The following KLHL2 variants were observed in gnomAD, a reference collection of about 807,000 sequenced individuals.
The protein encoded by KLHL2 is kelch like family member 2, also known as kelch-like protein 2.
In KLHL2, 15 loss-of-function variants were observed where a neutral mutation model predicts 75.8. The ratio of observed to expected loss-of-function variants is 0.20; its 90% CI spans 0.13 to 0.30. The LOEUF is 0.30. Ranked by LOEUF, KLHL2 falls within the 10% of genes least tolerant of loss-of-function variation. KLHL2 has a pLI of 1.00. For synonymous variants in KLHL2, 214 were observed against 251.9 expected (o/e 0.85, Z 1.42); for missense variants, 381 against 741.0 (o/e 0.51, Z 5.64).
At chr4:165,302,933 A>G (rs1360047024) in intron 8 of KLHL2, among the ~76,000 whole-genome samples, 1 of 152,144 alleles carries the variant, frequency 6.6e-6, no homozygotes, top group Non-Finnish European at 1.5e-5. Flanking sequence ...TTGTTCCTTC[A>G]TAGCATAATT....
At chr4:165,259,498 A>G (rs1282164784) in intron 4 of KLHL2, among the ~76,000 whole-genome samples, 1 of 152,242 alleles carries the variant, frequency 6.6e-6, no homozygotes, top group Non-Finnish European at 1.5e-5. Context: ...CCGCTCTCAT[A>G]GCAGGCTTGG....
At position 165,299,613 on chromosome 4, in the gene KLHL2, A is replaced by C. The variant is rs1745194141; in HGVS notation, c.878A>C (p.Lys293Thr). 1 of 1,613,778 alleles carries C rather than the reference A, an allele frequency of 6.2e-7. No homozygotes were observed. Among genetic ancestry groups the C allele is most frequent in the Non-Finnish European group, 8.5e-7 (1 of 1,179,926 alleles). Residue 293 changes from lysine (K) to threonine (T), a missense_variant, in exon 8 of 15, where the codon AAG becomes ACG. Physicochemically the swap from Lys to Thr is moderately conservative, Grantham distance 78. Around this residue, in one of 5 missense-constraint regions of KLHL2, gnomAD observed 111 missense variants for 150.1 expected, o/e 0.74. Transcript: ENST00000226725. ...LLPTEQRILM[K>T]SVRTRLRTPM... is the part of the protein sequence containing the mutation. Reference sequence around the variant, plus strand: ...CCAACAGAGCAGCGTATATTAATGAAGAGTGTCCGGACCCGGCTGAGGACA... The same window carrying C: ...CCAACAGAGCAGCGTATATTAATGACGAGTGTCCGGACCCGGCTGAGGACA...
At chr4:165,236,984 G>A (rs1017989005) in intron 3 of KLHL2, among the ~76,000 whole-genome samples, 1 of 149,892 alleles carries the variant, frequency 6.7e-6, no homozygotes, top group African/African-American at 2.5e-5. Context: ...TTTTGCCTAA[G>A]GTAAGTCACG....
chr4:165,241,973 C>T (rs1191554615), intron 4 of KLHL2, among the ~76,000 whole-genome samples: 1 of 152,066 alleles, frequency 6.6e-6, no homozygotes. Context: ...TTCCAGGTTT[C>T]CTAGCTTTTT....
chr4:165,213,947 G>A (rs1041229001), intron 1 of KLHL2, among the ~76,000 whole-genome samples: 3 of 152,284 alleles, frequency 2.0e-5, no homozygotes, highest in Admixed American at 6.5e-5. Flanking sequence ...GAGATAGGTA[G>A]GTGAGATATT....
At chr4:165,264,585 C>CATATATATATATATATAT (rs55960426) in intron 5 of KLHL2, among the ~76,000 whole-genome samples, 15 of 129,404 alleles carry the variant, frequency 1.2e-4, no homozygotes, top group African/African-American at 4.6e-4. Flanking sequence ...AGTATTCCAT[C>CATATATATATATATATAT]ATATATATAT....
intron 8 of KLHL2, 21 bp from the exon 9 acceptor site, chr4:165,305,587 C>A: frequency 6.4e-7 from 1 of 1,567,826 alleles, no homozygotes; most frequent in Non-Finnish European, 8.8e-7. Flanking sequence ...TGTTCAAGTG[C>A]TTACATTTCT....
intron 5 of KLHL2, chr4:165,278,307 C>T (rs763529985): frequency 1.8e-6 from 2 of 1,087,670 alleles, no homozygotes; most frequent in African/African-American, 3.1e-5. Context: ...AAGGGCTTCA[C>T]TACTGGAATA....
chr4:165,287,376 C>G (rs1251352544), intron 5 of KLHL2, among the ~76,000 whole-genome samples: 1 of 152,038 alleles, frequency 6.6e-6, no homozygotes, highest in Non-Finnish European at 1.5e-5. Context: ...TATGTATATA[C>G]CAATTTCATT....
At chr4:165,289,834 G>C (rs1365874239) in intron 5 of KLHL2, among the ~76,000 whole-genome samples, 1 of 152,140 alleles carries the variant, frequency 6.6e-6, no homozygotes, top group East Asian at 1.9e-4. Flanking sequence ...AGTTCTCTCA[G>C]TTATGTTTGT....
chr4:165,242,419 A>G (rs1422602725), intron 4 of KLHL2, among the ~76,000 whole-genome samples: 2 of 152,226 alleles, frequency 1.3e-5, no homozygotes, highest in East Asian at 3.8e-4. Context: ...TTTTCAATAC[A>G]CTTTCAGAGA....
chr4:165,303,493 T>TTCCCCCCCC (rs1335606508), intron 8 of KLHL2, among the ~76,000 whole-genome samples: 3 of 95,900 alleles, frequency 3.1e-5, no homozygotes, highest in African/African-American at 3.8e-5. Context: ...TTTACAACCT[T>TTCCCCCCCC]GCCCCCCCCG....
intron 5 of KLHL2, among the ~76,000 whole-genome samples, chr4:165,284,743 T>C (rs903048304): frequency 6.6e-6 from 1 of 152,192 alleles, no homozygotes; most frequent in African/African-American, 2.4e-5. Context: ...ACTGTACTGG[T>C]TCATTTTCAC....
At chr4:165,279,769 T>C (rs1179000520) in intron 5 of KLHL2, 2 of 778,946 alleles carry the variant, frequency 2.6e-6, no homozygotes, top group Admixed American at 1.9e-5. Flanking sequence ...TAGCCTCACT[T>C]CTTTACTGGC....
At chr4:165,288,055 A>G (rs527842772) in intron 5 of KLHL2, among the ~76,000 whole-genome samples, 15 of 152,156 alleles carry the variant, frequency 9.9e-5, no homozygotes, top group Admixed American at 5.9e-4. Flanking sequence ...TTTTGGTGTC[A>G]TTTCCAAGAA....
chr4:165,239,492 T>C (rs1739636691), intron 4 of KLHL2, among the ~76,000 whole-genome samples: 1 of 152,152 alleles, frequency 6.6e-6, no homozygotes, highest in Non-Finnish European at 1.5e-5. Context: ...CTCAAACTCT[T>C]GGGCTCAAGT....
intron 8 of KLHL2, 139 bp from the exon 9 acceptor site, chr4:165,305,469 G>A: frequency 1.5e-6 from 1 of 656,148 alleles, no homozygotes; most frequent in South Asian, 1.9e-5. Context: ...TGTTGGTTAG[G>A]TGGTTAGATG....
At chr4:165,294,297 A>G (rs1744743242) in intron 5 of KLHL2, 62 bp from the exon 6 acceptor site, 3 of 920,916 alleles carry the variant, frequency 3.3e-6, no homozygotes, top group Non-Finnish European at 5.2e-6. Flanking sequence ...TTTTTTAAGC[A>G]GTTTGAAACT....
intron 9 of KLHL2, among the ~76,000 whole-genome samples, chr4:165,308,996 G>GC (rs1274932361): frequency 6.6e-6 from 1 of 152,158 alleles, no homozygotes; most frequent in South Asian, 2.1e-4. Flanking sequence ...ACAGTAAGGG[G>GC]CAGAGGTACA....
Sources: allele counts gnomAD v4.1 joint callset (sites outside exome capture counted in the v4.1 genomes callset), GRCh38; gene constraint gnomAD v4.1.1; regional missense constraint gnomAD v4.1.1; transcripts MANE v1.5; gene names NCBI Gene and HGNC (gene_info 2026-07-23, HGNC 2026-07-21).